The following GDPD4 variants were observed in gnomAD, a reference collection of about 807,000 sequenced individuals.
GDPD4 encodes glycerophosphodiester phosphodiesterase domain containing 4.
In GDPD4, 60 loss-of-function variants were observed where a neutral mutation model predicts 67.8. The observed-to-expected ratio is 0.88, with a 90% CI of 0.72 to 1.10. The LOEUF (loss-of-function observed/expected upper bound fraction) is 1.10. GDPD4 is among the 50% of genes least tolerant of loss of function. The probability of loss-of-function intolerance (pLI) is 0.00; values close to 1 mark genes in which losing one functional copy is unlikely to be tolerated. For synonymous variants in GDPD4, 212 were observed against 210.9 expected, an observed-to-expected ratio of 1.00 and a Z score of -0.04; for missense variants, 623 against 613.9, an observed-to-expected ratio of 1.01 and a Z score of -0.16.
intron 10 of GDPD4, among the ~76,000 whole-genome samples, chr11:77,259,021 G>A (rs1290052410): frequency 6.6e-6 from 1 of 152,118 alleles, no homozygotes; most frequent in African/African-American, 2.4e-5. Flanking sequence ...GTCTTGCTCT[G>A]TCACCCAGAC....
At chr11:77,232,603 CCA>C (rs1243041284) in intron 14 of GDPD4, among the ~76,000 whole-genome samples, 2 of 152,182 alleles carry the variant, frequency 1.3e-5, no homozygotes, top group Non-Finnish European at 2.9e-5. Context: ...GGTTTTCTCC[CCA>C]CTCTCCATGC....
At chr11:77,269,172 G>C in intron 8 of GDPD4, 103 bp from the exon 9 acceptor site, 1 of 976,300 alleles carries the variant, frequency 1.0e-6, no homozygotes, top group Non-Finnish European at 1.5e-6. Context: ...ACAGTCCATG[G>C]GTTTCATTGA....
intron 1 of GDPD4, among the ~76,000 whole-genome samples, chr11:77,298,821 G>A (rs949532701): frequency 6.6e-6 from 1 of 151,992 alleles, no homozygotes; most frequent in African/African-American, 2.4e-5. Flanking sequence ...AACATATTTT[G>A]GGGTAAAATA....
At chr11:77,264,172 CT>C (rs1349235382) in intron 10 of GDPD4, among the ~76,000 whole-genome samples, 1 of 152,192 alleles carries the variant, frequency 6.6e-6, no homozygotes, top group Non-Finnish European at 1.5e-5. Flanking sequence ...TTCTCAGAAT[CT>C]CCCATAGGCT....
intron 1 of GDPD4, among the ~76,000 whole-genome samples, chr11:77,290,868 CA>C (rs1463696868): frequency 2.0e-5 from 3 of 152,146 alleles, no homozygotes; most frequent in Admixed American, 2.0e-4. Context: ...ATCAAAAAGA[CA>C]AAAAATAAAG....
chr11:77,292,781 G>A (rs953351057), intron 1 of GDPD4, among the ~76,000 whole-genome samples: 1 of 152,062 alleles, frequency 6.6e-6, no homozygotes, highest in Non-Finnish European at 1.5e-5. Flanking sequence ...ACAGACCCTA[G>A]AGACATCAAA....
rs767812220 is a variant in GDPD4, at chr11:77,269,901, C to T, written c.460G>A (p.Val154Ile). 1.9e-6 allele frequency: 3 copies of T among 1,582,636 alleles called. No individual in the cohort carries two copies. In the Admixed American group the frequency reaches 5.1e-5, roughly 27 times the overall value. ...SEKKRLKQCN[V>I]ITRLRGLQVP... ...CTCTAACCTCTTAACCTTGTGATTA[C>T]ATTACATTGCTTGAGTCTTTTTTTC... The change falls in exon 8 of 17, where the codon GTA becomes ATA. Residue 154 changes from valine to isoleucine, a missense_variant. Transcript: ENST00000315938.
chr11:77,223,961 G>C (rs1167173709), intron 16 of GDPD4, among the ~76,000 whole-genome samples: 12 of 152,238 alleles, frequency 7.9e-5, no homozygotes, highest in Non-Finnish European at 1.8e-4. Flanking sequence ...TGCTGCGCTA[G>C]TGGTGAGCAA....
In GDPD4 at chr11:77,289,789, A is replaced by AAG. The variant is rs567520751; in HGVS notation, c.-253-2371_-253-2370dup. Among the ~76,000 whole-genome samples the AAG allele has an allele frequency of 2.1e-4, 26 of 124,118 alleles. No homozygotes were observed. The East Asian group carries it at 6.5e-3, about 31-fold the overall frequency. 81.4% of individuals were successfully genotyped at this position (124,118 alleles called of 152,430 possible). A position where few individuals can be genotyped will look rare whatever the true frequency, so the allele number is the denominator to read the frequency against. On this transcript the variant is annotated intron_variant, in intron 1 of 16. Transcript: ENST00000315938. ...AGGAGGGAGCGAGGGAGGGGAGGGA[A>AAG]AGAGAGAGAGAGAAGGAGGGAGGGA... is the stretch of plus-strand genomic sequence containing the variant.
intron 2 of GDPD4, 96 bp from the exon 3 acceptor site, chr11:77,285,283 T>G: frequency 1.6e-6 from 1 of 641,158 alleles, no homozygotes; most frequent in Non-Finnish European, 2.8e-6. Context: ...ATAGTTGCAC[T>G]GCCATGCATT....
intron 16 of GDPD4, among the ~76,000 whole-genome samples, chr11:77,219,076 T>A (rs1289295803): frequency 6.6e-6 from 1 of 152,170 alleles, no homozygotes; most frequent in Admixed American, 6.5e-5. Context: ...TTTTAATGAT[T>A]GCCATTCTAA....
rs553032330 is a variant in GDPD4, at chr11:77,218,207, T to G, written c.1526-893A>C. On this transcript the variant is annotated intron_variant, in intron 16 of 16. Coordinates refer to ENST00000315938, the MANE Select transcript of GDPD4 (RefSeq NM_182833.3). ...TTATAACTTTTCTAATTCATGAACA[T>G]GATTGCTCCATTTATTTGGGCATTC... Among the ~76,000 whole-genome samples, 35 of 152,020 alleles carry G rather than the reference T, an allele frequency of 2.3e-4. No individual in the cohort carries two copies. The South Asian group carries it at 7.1e-3, about 31-fold the overall frequency.
intron 8 of GDPD4, among the ~76,000 whole-genome samples, chr11:77,269,402 G>A (rs1156504990): frequency 6.6e-6 from 1 of 152,122 alleles, no homozygotes; most frequent in Admixed American, 6.5e-5. Context: ...AGGAGGAGGA[G>A]CTTGGCTGAT....
intron 11 of GDPD4, among the ~76,000 whole-genome samples, chr11:77,255,780 G>A (rs879651057): frequency 8.6e-5 from 13 of 151,760 alleles, no homozygotes; most frequent in African/African-American, 1.5e-4. Context: ...AGAATTGCTC[G>A]AATTGGAACC....
Position 77,276,226 on chromosome 11 carries a change from A to G in GDPD4, c.148-6T>C. On this transcript the variant is annotated splice_polypyrimidine_tract_variant and splice_region_variant and intron_variant, in intron 4 of 16. Coordinates refer to ENST00000315938, the MANE Select transcript of GDPD4 (RefSeq NM_182833.3). ...AGCAACAAAAATCCAAGTAACTGCA[A>G]AAGCAAAGAAGAAAAAGAGAGTTAT... 6.2e-7 allele frequency: 1 copy of G among 1,611,928 alleles called. No homozygotes were observed. Among genetic ancestry groups the G allele is most frequent in the Non-Finnish European group, 8.5e-7 (1 of 1,177,954 alleles).
chr11:77,264,164 C>T (rs751424445), intron 10 of GDPD4, among the ~76,000 whole-genome samples: 34 of 152,156 alleles, frequency 2.2e-4, no homozygotes, highest in Non-Finnish European at 1.0e-4. Context: ...CGTAGATCTT[C>T]TCAGAATCTC....
intron 16 of GDPD4, among the ~76,000 whole-genome samples, chr11:77,225,489 A>AGAT (rs1458493293): frequency 3.3e-5 from 5 of 152,226 alleles, no homozygotes; most frequent in Admixed American, 1.3e-4. Flanking sequence ...ACCCTAATCA[A>AGAT]GATAGTCTCT....
chr11:77,296,529 C>T (rs143200973), intron 1 of GDPD4, among the ~76,000 whole-genome samples: 68 of 150,778 alleles, frequency 4.5e-4, no homozygotes, highest in African/African-American at 1.6e-3. Flanking sequence ...ACCAAGTTAG[C>T]CAGGCCGGTC....
At chr11:77,218,600 T>C (rs184116778) in intron 16 of GDPD4, among the ~76,000 whole-genome samples, 1 of 152,350 alleles carries the variant, frequency 6.6e-6, no homozygotes, top group African/African-American at 2.4e-5. Flanking sequence ...GCAAGTGTTC[T>C]CATTGTTCAA....
Sources: allele counts gnomAD v4.1 joint callset (sites outside exome capture counted in the v4.1 genomes callset), GRCh38; gene constraint gnomAD v4.1.1; transcripts MANE v1.5; gene names NCBI Gene and HGNC (gene_info 2026-07-23, HGNC 2026-07-21).